NTF3: variants seen among roughly 807,000 people sequenced by gnomAD.
The protein encoded by NTF3 is neurotrophin 3.
NTF3 carries 8 observed loss-of-function variants against 26.3 expected under a neutral mutation model. That is an observed-to-expected ratio of 0.30 (90% CI 0.18 to 0.55). The LOEUF is 0.55. Ranked by LOEUF, NTF3 falls within the 20% of genes least tolerant of loss-of-function variation. NTF3 has a pLI of 0.93. For missense variants in NTF3, 276 were observed against 352.9 expected, an observed-to-expected ratio of 0.78 and a Z score of 1.75; for synonymous variants, 154 against 145.5, an observed-to-expected ratio of 1.06 and a Z score of -0.42.
intron 1 of NTF3, among the ~76,000 whole-genome samples, chr12:5,474,686 G>T (rs1048884040): frequency 5.3e-5 from 8 of 152,192 alleles, no homozygotes; most frequent in African/African-American, 1.4e-4. Context: ...AGAAATGATA[G>T]GGAAGGCTGG....
At chr12:5,454,494 G>C (rs1313720463) in intron 1 of NTF3, among the ~76,000 whole-genome samples, 1 of 152,166 alleles carries the variant, frequency 6.6e-6, no homozygotes, top group Non-Finnish European at 1.5e-5. Flanking sequence ...CCCATAATGG[G>C]AAGGAAAGAT....
chr12:5,475,482 C>G (rs549343636), intron 1 of NTF3, among the ~76,000 whole-genome samples: 1 of 152,228 alleles, frequency 6.6e-6, no homozygotes, highest in African/African-American at 2.4e-5. Context: ...TTCTCTAATA[C>G]TGGCAACATC....
chr12:5,490,236 C>T (rs1224546719), intron 1 of NTF3, among the ~76,000 whole-genome samples: 1 of 152,206 alleles, frequency 6.6e-6, no homozygotes, highest in African/African-American at 2.4e-5. Flanking sequence ...CCCATGCAGG[C>T]TCTCCAGCCA....
chr12:5,459,803 C>G (rs1419814674), intron 1 of NTF3, among the ~76,000 whole-genome samples: 1 of 152,164 alleles, frequency 6.6e-6, no homozygotes, highest in East Asian at 1.9e-4. Context: ...GTCTCCAGTT[C>G]TTTCTTCTCT....
rs1940446690 is a variant in NTF3, at chr12:5,456,266, C to T, written c.18+23924C>T. ...ACACCTTGACACATTTCCAAATGCC[C>T]TTTAGTAGGGCAGTGACAGCCCTTT... On this transcript the variant is annotated intron_variant, in intron 1 of 1. Coordinates refer to ENST00000423158, the MANE Select transcript of NTF3 (RefSeq NM_001102654.2). The surrounding 1 kb of genome is among the most constrained non-coding windows in gnomAD (Gnocchi z 4.4). Among the ~76,000 whole-genome samples the T allele has an allele frequency of 6.6e-6, 1 of 152,166 alleles. No homozygotes were observed. Among genetic ancestry groups the T allele is most frequent in the South Asian group, 2.1e-4 (1 of 4,824 alleles).
Position 5,494,619 on chromosome 12 carries a change from G to A in NTF3, c.444G>A (p.Arg148=), listed in dbSNP as rs780037441. ...CCGTGGTGGCGAACAGAACATCACGGCGGAAACGGTACGCGGAGCATAAGA... is the reference window on the plus strand; with the variant it reads ...CCGTGGTGGCGAACAGAACATCACGACGGAAACGGTACGCGGAGCATAAGA... ...GSPVVANRTS[R]RKRYAEHKSH... is the part of the protein sequence containing the mutation. The change falls in exon 2 of 2, where the codon CGG becomes CGA. Residue 148 remains arginine (R), a synonymous_variant. Transcript: ENST00000423158. This position sits in a 1 kb window ranked among gnomAD's most constrained non-coding sequence, Gnocchi z 8.3. 2.3e-5 allele frequency: 37 copies of A among 1,614,016 alleles called. No individual in the cohort carries two copies. The highest frequency in any genetic ancestry group is 2.7e-5 in the Non-Finnish European group (32 of 1,180,038).
intron 1 of NTF3, among the ~76,000 whole-genome samples, chr12:5,473,960 G>C (rs1464255306): frequency 6.6e-6 from 1 of 152,162 alleles, no homozygotes; most frequent in African/African-American, 2.4e-5. Flanking sequence ...GTCCCCTTCT[G>C]ATTCACCCTA....
At chr12:5,434,140 T>C (rs1348249838) in intron 1 of NTF3, among the ~76,000 whole-genome samples, 6 of 152,144 alleles carry the variant, frequency 3.9e-5, no homozygotes, top group Non-Finnish European at 8.8e-5. Flanking sequence ...TCAATTCCTT[T>C]TTGACATGTC....
chr12:5,438,232 A>C (rs1298720359), intron 1 of NTF3, among the ~76,000 whole-genome samples: 1 of 152,084 alleles, frequency 6.6e-6, no homozygotes, highest in Non-Finnish European at 1.5e-5. Flanking sequence ...CAGAGCGTTA[A>C]AGTATTTTTT....
At chr12:5,490,880 C>T (rs996502413) in intron 1 of NTF3, among the ~76,000 whole-genome samples, 27 of 152,182 alleles carry the variant, frequency 1.8e-4, no homozygotes, top group African/African-American at 6.3e-4. Flanking sequence ...GGAGGGAGCT[C>T]TCCAGACTCT....
chr12:5,453,586 A>G (rs934504920), intron 1 of NTF3, among the ~76,000 whole-genome samples: 1 of 152,110 alleles, frequency 6.6e-6, no homozygotes, highest in South Asian at 2.1e-4. Context: ...TTGCTTAGAA[A>G]TCTCTTTGAT....
chr12:5,449,736 C>G (rs148937940), intron 1 of NTF3, among the ~76,000 whole-genome samples: 105 of 152,348 alleles, frequency 6.9e-4, no homozygotes, highest in Non-Finnish European at 1.2e-3. Context: ...GGTCCTCCAA[C>G]AGTAAGCTAC....
At chr12:5,469,739 A>AT (rs1940641327) in intron 1 of NTF3, among the ~76,000 whole-genome samples, 2 of 152,126 alleles carry the variant, frequency 1.3e-5, no homozygotes, top group South Asian at 4.1e-4. Context: ...TGAAATATGT[A>AT]TTTTTTAACA....
intron 1 of NTF3, among the ~76,000 whole-genome samples, chr12:5,445,079 G>A (rs1388570415): frequency 6.6e-6 from 1 of 152,082 alleles, no homozygotes; most frequent in Non-Finnish European, 1.5e-5. Flanking sequence ...TTTCATTCAG[G>A]ATCAAAAAAG....
In NTF3 at chr12:5,485,183, G is replaced by GA. The variant is rs557583142; in HGVS notation, c.19-9009dup. Reference sequence around the variant, plus strand: ...CCTAGATGTGTTCTTCAGCTACTGTGAATTGGTGACGCAAGCCTTAGACTG... The same window carrying GA: ...CCTAGATGTGTTCTTCAGCTACTGTGAAATTGGTGACGCAAGCCTTAGACTG... On this transcript the variant is annotated intron_variant, in intron 1 of 1. Coordinates refer to ENST00000423158, the MANE Select transcript of NTF3 (RefSeq NM_001102654.2). 1.1e-3 allele frequency among the ~76,000 whole-genome samples: 166 copies of GA among 152,330 alleles called. 1 individual carries two copies. The highest frequency in any genetic ancestry group is 3.9e-3 in the African/African-American group (162 of 41,582).
intron 1 of NTF3, among the ~76,000 whole-genome samples, chr12:5,475,091 T>A (rs576006680): frequency 6.6e-6 from 1 of 151,896 alleles, no homozygotes; most frequent in South Asian, 2.1e-4. Context: ...TGCCTGGAGA[T>A]GTGAGCATAG....
rs917707226 is a variant in NTF3, at chr12:5,432,173, G to A, written c.-152G>A. The stretch of plus-strand genomic sequence containing the variant: ...GCACCGCCCCGCGACGCAGCCCGGC[G>A]CAACTACTTTCTTCTCTCTCCTTTC... On this transcript the variant is annotated 5_prime_UTR_variant, in exon 1 of 2. Transcript: ENST00000423158. 16 of 880,520 alleles carry A rather than the reference G, an allele frequency of 1.8e-5. No homozygotes were observed. The South Asian group carries it at 2.2e-4, about 12-fold the overall frequency. 54.5% of individuals were successfully genotyped at this position (880,520 alleles called of 1,614,324 possible). A position where few individuals can be genotyped will look rare whatever the true frequency, so the allele number is the denominator to read the frequency against.
At chr12:5,447,296 G>C (rs534951386) in intron 1 of NTF3, among the ~76,000 whole-genome samples, 39 of 152,210 alleles carry the variant, frequency 2.6e-4, no homozygotes, top group Non-Finnish European at 4.8e-4. Flanking sequence ...TCTAGAACAT[G>C]TTTGCAAGAA....
At chr12:5,475,775 G>T (rs1360938031) in intron 1 of NTF3, among the ~76,000 whole-genome samples, 1 of 151,934 alleles carries the variant, frequency 6.6e-6, no homozygotes, top group African/African-American at 2.4e-5. Context: ...GGTCGGGGCT[G>T]CAGTGAGCTG....
Sources: allele counts gnomAD v4.1 joint callset (sites outside exome capture counted in the v4.1 genomes callset), GRCh38; gene constraint gnomAD v4.1.1; non-coding constraint Gnocchi (gnomAD v3.1); transcripts MANE v1.5; gene names NCBI Gene and HGNC (gene_info 2026-07-23, HGNC 2026-07-21).